FGF14: variants seen among roughly 807,000 people sequenced by gnomAD.
FGF14 encodes the protein fibroblast growth factor homologous factor 4.
Under a neutral mutation model 25.5 loss-of-function variants are expected in FGF14, and 5 were observed. The ratio of observed to expected loss-of-function variants is 0.20; its 90% confidence interval spans 0.10 to 0.41. The LOEUF (loss-of-function observed/expected upper bound fraction) is 0.41, where lower values mean the gene tolerates loss of function less well. Ranked by LOEUF, FGF14 falls within the 10% of genes least tolerant of loss-of-function variation. FGF14 has a pLI of 1.00. For missense variants in FGF14, 222 were observed against 320.1 expected (o/e 0.69, Z 2.34); for synonymous variants, 138 against 118.3 (o/e 1.17, Z -1.08).
intron 1 of FGF14, among the ~76,000 whole-genome samples, chr13:101,898,231 G>C (rs1183202587): frequency 6.6e-6 from 1 of 151,938 alleles, no homozygotes; most frequent in Non-Finnish European, 1.5e-5. Context: ...CAAACAGTAA[G>C]AATAGTGCAA....
At chr13:102,340,525 A>C (rs1027950463) in intron 1 of FGF14, among the ~76,000 whole-genome samples, 2 of 152,126 alleles carry the variant, frequency 1.3e-5, no homozygotes, top group African/African-American at 4.8e-5. Flanking sequence ...TTTTACCCTA[A>C]AACCTTGTGA....
rs533536198 is a variant in FGF14 at position 101,861,295 on chromosome 13, G to A, written c.408+7430C>T. ...ACTATAATCCACTTGGATGTCCTGT[G>A]GGCAAACTAAGCAGGTCCCTAACCA... On this transcript the variant is annotated intron_variant, in intron 3 of 4. Transcript: ENST00000376143. 2.6e-5 allele frequency among the ~76,000 whole-genome samples: 4 copies of A among 152,046 alleles called. No individual in the cohort carries two copies. In the East Asian group the frequency reaches 7.8e-4, roughly 30 times the overall value.
At chr13:101,891,278 G>C (rs1228904192) in intron 1 of FGF14, among the ~76,000 whole-genome samples, 2 of 152,064 alleles carry the variant, frequency 1.3e-5, no homozygotes, top group East Asian at 3.9e-4. Context: ...CATCACATTG[G>C]CCTTCCCTGT....
chr13:102,325,558 T>C (rs562911528), intron 1 of FGF14, among the ~76,000 whole-genome samples: 2 of 152,158 alleles, frequency 1.3e-5, no homozygotes, highest in Non-Finnish European at 2.9e-5. Flanking sequence ...TGGAATTCTA[T>C]CGTCTGGAGT....
intron 1 of FGF14, among the ~76,000 whole-genome samples, chr13:102,312,469 T>C (rs1055808770): frequency 6.6e-6 from 1 of 152,120 alleles, no homozygotes; most frequent in South Asian, 2.1e-4. Context: ...CTAATGCCAA[T>C]TAAAAGAATA....
At chr13:102,287,320 A>G (rs2054154566) in intron 1 of FGF14, among the ~76,000 whole-genome samples, 1 of 151,896 alleles carries the variant, frequency 6.6e-6, no homozygotes, top group African/African-American at 2.4e-5. Flanking sequence ...ATGAAATTAA[A>G]TGTGACTGGA....
chr13:101,736,788 G>A (rs2036218864), intron 3 of FGF14, among the ~76,000 whole-genome samples: 1 of 151,820 alleles, frequency 6.6e-6, no homozygotes, highest in South Asian at 2.1e-4. Flanking sequence ...ATATCTTGAT[G>A]AGAGTTTGTA....
chr13:102,009,358 T>C (rs1056345138), intron 1 of FGF14, among the ~76,000 whole-genome samples: 6 of 152,142 alleles, frequency 3.9e-5, no homozygotes, highest in Non-Finnish European at 7.4e-5. Flanking sequence ...GTTAACTCTA[T>C]TGGTAAATTT....
chr13:101,821,257 C>A (rs2042142314), intron 3 of FGF14, among the ~76,000 whole-genome samples: 1 of 152,090 alleles, frequency 6.6e-6, no homozygotes, highest in Non-Finnish European at 1.5e-5. Context: ...CCAAATTTTG[C>A]TCTTTTTAAA....
chr13:101,956,561 G>A (rs1352906195), intron 1 of FGF14, among the ~76,000 whole-genome samples: 2 of 151,902 alleles, frequency 1.3e-5, no homozygotes, highest in Non-Finnish European at 2.9e-5. Flanking sequence ...TCTGAGCCTC[G>A]GTTCTCAACA....
chr13:102,116,714 A>G (rs1160675558), intron 1 of FGF14, among the ~76,000 whole-genome samples: 1 of 152,196 alleles, frequency 6.6e-6, no homozygotes, highest in Non-Finnish European at 1.5e-5. Context: ...TTTGTTTGAG[A>G]TGATAAAAAA....
At chr13:102,087,575 C>CTTTTTTTTT (rs1166446102) in intron 1 of FGF14, among the ~76,000 whole-genome samples, 764 of 79,914 alleles carry the variant, frequency 9.6e-3, no homozygotes, top group African/African-American at 0.017. Context: ...CCATGCCTGG[C>CTTTTTTTTT]TTTTTTTTTT....
chr13:102,023,388 T>C (rs1024503601), intron 1 of FGF14, among the ~76,000 whole-genome samples: 2 of 152,062 alleles, frequency 1.3e-5, no homozygotes, highest in African/African-American at 4.8e-5. Flanking sequence ...AGACATCTCA[T>C]GGTATAGAGC....
intron 1 of FGF14, among the ~76,000 whole-genome samples, chr13:102,051,696 C>A (rs2042222403): frequency 6.6e-6 from 1 of 152,196 alleles, no homozygotes; most frequent in South Asian, 2.1e-4. Context: ...CAGCAGCACC[C>A]TTACTGGTGT....
intron 3 of FGF14, among the ~76,000 whole-genome samples, chr13:101,815,262 G>A (rs147198663): frequency 1.3e-5 from 2 of 152,260 alleles, no homozygotes; most frequent in East Asian, 1.9e-4. Context: ...TGGAGTGAGT[G>A]ATTAAGCCTG....
At chr13:102,009,181 A>G (rs1450432873) in intron 1 of FGF14, among the ~76,000 whole-genome samples, 4 of 152,142 alleles carry the variant, frequency 2.6e-5, no homozygotes, top group Non-Finnish European at 4.4e-5. Context: ...CCTTCTGTGT[A>G]TTGTGTGTGT....
At chr13:102,023,043 G>GACACACACACACACAC (rs59221538) in intron 1 of FGF14, among the ~76,000 whole-genome samples, 17 of 146,302 alleles carry the variant, frequency 1.2e-4, no homozygotes, top group East Asian at 2.1e-4. Context: ...AATATTTTCG[G>GACACACACACACACAC]ACACACACAC....
chr13:101,912,119 T>C (rs1376281330), intron 1 of FGF14, among the ~76,000 whole-genome samples: 2 of 152,074 alleles, frequency 1.3e-5, no homozygotes, highest in Non-Finnish European at 2.9e-5. Flanking sequence ...GAATAACTGA[T>C]GGATTTCACT....
intron 1 of FGF14, among the ~76,000 whole-genome samples, chr13:102,070,121 C>T (rs2043094350): frequency 6.6e-6 from 1 of 152,108 alleles, no homozygotes; most frequent in Admixed American, 6.5e-5. Flanking sequence ...AAAATATTTG[C>T]AAATGATCCA....
Sources: gnomAD v4.1 joint callset for allele counts (sites outside exome capture counted in the v4.1 genomes callset) on GRCh38, gnomAD v4.1.1 for gene constraint, MANE v1.5 for transcripts, NCBI Gene and HGNC (gene_info 2026-07-23, HGNC 2026-07-21) for gene names.